LRCH4: variants seen among roughly 807,000 people sequenced by gnomAD.
LRCH4 encodes the protein leucine rich repeats and calponin homology domain containing 4.
LRCH4 carries 56 observed loss-of-function variants against 81.2 expected under a neutral mutation model. The observed-to-expected ratio is 0.69, with a 90% CI of 0.56 to 0.86. LRCH4 has a LOEUF of 0.86. Ranked by LOEUF, LRCH4 falls within the 40% of genes least tolerant of loss-of-function variation. LRCH4 has a pLI of 0.00. For synonymous variants in LRCH4, 442 were observed against 409.7 expected (o/e 1.08, Z -0.95); for missense variants, 895 against 922.8 (o/e 0.97, Z 0.39).
In LRCH4 at chr7:100,577,559, C is replaced by A. The variant is rs745884798; in HGVS notation, c.1117-1G>T. On this transcript the variant is annotated splice_acceptor_variant, in intron 9 of 17. Transcript: ENST00000310300. LOFTEE classifies it high-confidence loss of function. This position sits in a 1 kb window ranked among gnomAD's most constrained non-coding sequence, Gnocchi z 6.7. ...GGCTTAATTCGGGTGGTCGCTGCTCCTAAGGAGAGAACAGCAGAGCAGCTG... is the reference window on the plus strand; with the variant it reads ...GGCTTAATTCGGGTGGTCGCTGCTCATAAGGAGAGAACAGCAGAGCAGCTG... 4 of 1,611,192 alleles carry A rather than the reference C, an allele frequency of 2.5e-6. No homozygotes were observed. Among genetic ancestry groups the A allele is most frequent in the Non-Finnish European group, 3.4e-6 (4 of 1,179,958 alleles).
rs370008127 is a variant in LRCH4, at chr7:100,576,242, C to T, written c.1634G>A (p.Arg545His). ...GCAGCTCCCGCCTCTGCTCACCTGG[C>T]GCAGCTGAGTCATTAAGTCCTTCTC... ...PDEKDLMTQL[R>H]QVLESRLQRP... The change falls in exon 15 of 18, where the codon CGC (arginine) becomes CAC (histidine). Residue 545 changes from arginine to histidine, a missense_variant. Physicochemically the swap from Arg to His is conservative, Grantham distance 29. Coordinates refer to ENST00000310300, the MANE Select transcript of LRCH4 (RefSeq NM_002319.5). 4.6e-5 allele frequency: 74 copies of T among 1,613,742 alleles called. No individual in the cohort carries two copies. The Middle Eastern group carries it at 6.6e-4, about 14-fold the overall frequency.
In LRCH4 at chr7:100,575,494, G is replaced by C; in HGVS notation, c.1855-190C>G. On this transcript the variant is annotated intron_variant, in intron 17 of 17. Coordinates refer to ENST00000310300, the MANE Select transcript of LRCH4 (RefSeq NM_002319.5). The surrounding 1 kb of genome is among the most constrained non-coding windows in gnomAD (Gnocchi z 5.3). Reference sequence around the variant, plus strand: ...CATGTGCAGGACAGGTGACATGCAGGACAAGATGGGGCCTGCAGGGCAGGG... The same window carrying C: ...CATGTGCAGGACAGGTGACATGCAGCACAAGATGGGGCCTGCAGGGCAGGG... 1 of 826,998 alleles carries C rather than the reference G, an allele frequency of 1.2e-6. No individual in the cohort carries two copies. Among genetic ancestry groups the C allele is most frequent in the Non-Finnish European group, 2.0e-6 (1 of 489,928 alleles). 51.2% of individuals were successfully genotyped at this position (826,998 alleles called of 1,614,324 possible).
chr7:100,576,036 G>A (rs1288679921), intron 15 of LRCH4, 28 bp from the exon 16 acceptor site: 2 of 1,585,704 alleles, frequency 1.3e-6, no homozygotes, highest in African/African-American at 1.3e-5. Context: ...ATAGAGCAGG[G>A]GTCAGGGAAG....
In LRCH4 at chr7:100,578,483, A is replaced by G. The variant is rs1045292467; in HGVS notation, c.764T>C (p.Phe255Ser). The G allele has an allele frequency of 3.3e-5, 54 of 1,613,886 alleles. No homozygotes were observed. Among genetic ancestry groups the G allele is most frequent in the Admixed American group, 1.0e-4 (6 of 59,988 alleles). ...QVCLKGKLHI[F>S]KYLSTEAGQR... ...CCCGGCCTCTGTGGACAAATACTTG[A>G]AGATGTGAAGTTTCCCCTTCAGGCA... Residue 255 changes from phenylalanine to serine, a missense_variant, in exon 6 of 18, where the codon TTC becomes TCC. By Grantham distance (155) the Phe-to-Ser change is radical (BLOSUM62 -2). This residue lies in a region of LRCH4 where 360 missense variants were observed against 397.0 expected (regional missense o/e 0.91). Transcript: ENST00000310300. The surrounding 1 kb of genome is among the most constrained non-coding windows in gnomAD (Gnocchi z 5.7).
In LRCH4 at chr7:100,576,337, G is replaced by C. The variant is rs1801358456; in HGVS notation, c.1553-14C>G. 2 of 1,599,762 alleles carry C rather than the reference G, an allele frequency of 1.3e-6. No individual in the cohort carries two copies. Among genetic ancestry groups the C allele is most frequent in the Admixed American group, 3.3e-5 (2 of 59,870 alleles). On this transcript the variant is annotated splice_polypyrimidine_tract_variant and intron_variant, in intron 14 of 17. Transcript: ENST00000310300. ...GTGAGGAAGGGCCTAGGAGAAAAAG[G>C]GGGGCATGGGGCTGCCTCCACTGCT...
chr7:100,581,693 G>C, intron 4 of LRCH4, 84 bp downstream of exon 4: 1 of 1,120,692 alleles, frequency 8.9e-7, no homozygotes, highest in Non-Finnish European at 1.4e-6. Context: ...AAGCTACCCG[G>C]TCTGCAGTGT....
Position 100,576,599 on chromosome 7 carries a change from T to G in LRCH4, c.1552+95A>C, listed in dbSNP as rs1017191480. On this transcript the variant is annotated intron_variant, in intron 14 of 17. Coordinates refer to ENST00000310300, the MANE Select transcript of LRCH4 (RefSeq NM_002319.5). ...ATTTTCAACGCAAAGGTACAAAAGG[T>G]ACAACAGACCCAGAGGGCTCCCAGG... The G allele has an allele frequency of 6.4e-6, 7 of 1,085,576 alleles. No individual in the cohort carries two copies. In the African/African-American group the frequency reaches 9.8e-5, roughly 15 times the overall value. The allele number at this position is 1,085,576 out of a possible 1,614,324, so 67.2% of individuals were successfully genotyped here.
rs376646640 is a variant in LRCH4 at position 100,578,276 on chromosome 7, G to A, written c.849-18C>T. ...CTGCAGGGCTGGGGCCAGCCAGGCG[G>A]ATCTGGTCAGCCTGATGCTGGACAA... On this transcript the variant is annotated intron_variant, in intron 6 of 17. Transcript: ENST00000310300. The surrounding 1 kb of genome is among the most constrained non-coding windows in gnomAD (Gnocchi z 5.7). The A allele has an allele frequency of 2.5e-6, 4 of 1,611,502 alleles. No homozygotes were observed. The highest frequency in any genetic ancestry group is 3.4e-6 in the Non-Finnish European group (4 of 1,177,764).
At position 100,577,657 on chromosome 7, in the gene LRCH4, C is replaced by T; in HGVS notation, c.1116+7G>A. 1 of 1,613,562 alleles carries T rather than the reference C, an allele frequency of 6.2e-7. No individual in the cohort carries two copies. Among genetic ancestry groups the T allele is most frequent in the Non-Finnish European group, 8.5e-7 (1 of 1,179,988 alleles). On this transcript the variant is annotated splice_region_variant and intron_variant, in intron 9 of 17. Transcript: ENST00000310300. The surrounding 1 kb of genome is among the most constrained non-coding windows in gnomAD (Gnocchi z 6.7). ...CTCCCTTGGGAGAGGCATAGCTGGG[C>T]TCTCACCTCCACAGTGCCTCGCTCT...
At chr7:100,581,988 G>C in intron 3 of LRCH4, 53 bp downstream of exon 3, 5 of 1,600,274 alleles carry the variant, frequency 3.1e-6, no homozygotes, top group Non-Finnish European at 3.4e-6. Flanking sequence ...CCCCCTAGAA[G>C]GTCCCGCTGC....
At position 100,583,669 on chromosome 7, in the gene LRCH4, G is replaced by A. The variant is rs567284593; in HGVS notation, c.221-1210C>T. Among the ~76,000 whole-genome samples the A allele has an allele frequency of 4.6e-5, 7 of 152,224 alleles. No individual in the cohort carries two copies. Among genetic ancestry groups the A allele is most frequent in the African/African-American group, 7.2e-5 (3 of 41,456 alleles). On this transcript the variant is annotated intron_variant, in intron 1 of 17. Transcript: ENST00000310300. This position sits in a 1 kb window ranked among gnomAD's most constrained non-coding sequence, Gnocchi z 4.3. The stretch of plus-strand genomic sequence containing the variant: ...TTACCAGGGTGGATGACAGCCTGAT[G>A]CCCCGGGACCCCTTTCTCTTCCTCT...
At chr7:100,581,698 C>A in intron 4 of LRCH4, 79 bp downstream of exon 4, 1 of 1,185,082 alleles carries the variant, frequency 8.4e-7, no homozygotes, top group Non-Finnish European at 1.3e-6. Context: ...ACCCGGTCTG[C>A]AGTGTTTTCG....
rs1360804073 is a variant in LRCH4, at chr7:100,582,480, G to T, written c.221-21C>A. 3 of 1,600,764 alleles carry T rather than the reference G, an allele frequency of 1.9e-6. 1 individual carries two copies. The highest frequency in any genetic ancestry group is 2.5e-6 in the Non-Finnish European group (3 of 1,179,206). On this transcript the variant is annotated intron_variant, in intron 1 of 17. Coordinates refer to ENST00000310300, the MANE Select transcript of LRCH4 (RefSeq NM_002319.5). The surrounding 1 kb of genome is among the most constrained non-coding windows in gnomAD (Gnocchi z 5.0). ...CAGGTCTGGGGAAAAGGAGGTGTCG[G>T]GGAGAGTTGCGGAAAGGCCCAGCCC...
rs1474179083 is a variant in LRCH4, at chr7:100,575,640, C to T, written c.1854+65G>A. On this transcript the variant is annotated intron_variant, in intron 17 of 17. Coordinates refer to ENST00000310300, the MANE Select transcript of LRCH4 (RefSeq NM_002319.5). This position sits in a 1 kb window ranked among gnomAD's most constrained non-coding sequence, Gnocchi z 5.3. ...GACATCCGCTGCAAATGGAAGCCCA[C>T]CATCCATGCCACATGCTCGGCTGAG... The T allele has an allele frequency of 1.8e-5, 28 of 1,565,144 alleles. No homozygotes were observed. Among genetic ancestry groups the T allele is most frequent in the African/African-American group, 2.7e-5 (2 of 73,924 alleles).
At chr7:100,581,053 G>A (rs949045495) in intron 4 of LRCH4, among the ~76,000 whole-genome samples, 6 of 152,220 alleles carry the variant, frequency 3.9e-5, no homozygotes, top group African/African-American at 1.4e-4. Flanking sequence ...TGGCATCTCC[G>A]GGAGGAGTGG....
rs946443675 is a variant in LRCH4 at position 100,582,534 on chromosome 7, G to A, written c.221-75C>T. ...CAGGACCTTCAGTCCCCCCAGAGCC[G>A]GCTGCCCACTCCCTCACCTCCACAC... is the stretch of plus-strand genomic sequence containing the variant. On this transcript the variant is annotated intron_variant, in intron 1 of 17. Transcript: ENST00000310300. The surrounding 1 kb of genome is among the most constrained non-coding windows in gnomAD (Gnocchi z 5.0). The A allele has an allele frequency of 1.2e-4, 174 of 1,460,948 alleles. No individual in the cohort carries two copies. The highest frequency in any genetic ancestry group is 8.9e-4 in the African/African-American group (64 of 71,754). The allele number at this position is 1,460,948 out of a possible 1,614,324, so 90.5% of individuals were successfully genotyped here.
chr7:100,582,095 G>C lies in LRCH4; in HGVS notation c.438C>G (p.Asn146Lys). The C allele has an allele frequency of 6.2e-7, 1 of 1,612,282 alleles. No homozygotes were observed. The highest frequency in any genetic ancestry group is 8.5e-7 in the Non-Finnish European group (1 of 1,179,786). The change falls in exon 3 of 18, where the codon AAC becomes AAG. Residue 146 changes from asparagine to lysine, a missense_variant. By Grantham distance (94) the Asn-to-Lys change is moderately conservative. Around this residue, in one of 3 missense-constraint regions of LRCH4, gnomAD observed 360 missense variants for 397.0 expected, o/e 0.91. Transcript: ENST00000310300. The surrounding 1 kb of genome is among the most constrained non-coding windows in gnomAD (Gnocchi z 5.0). ...LPLRVLIVSN[N>K]KLGALPPDIG... The stretch of plus-strand genomic sequence containing the variant: ...TGTCAGGGGGCAGGGCTCCCAGCTT[G>C]TTGTTGCTGACGATGAGGACCCTCA...
rs755695889 is a variant in LRCH4 at position 100,578,310 on chromosome 7, C to A, written c.849-52G>T. 2.5e-6 allele frequency: 4 copies of A among 1,602,530 alleles called. No individual in the cohort carries two copies. The highest frequency in any genetic ancestry group is 3.3e-5 in the Admixed American group (2 of 59,930). ...AGCCTGATGCTGGACAACAGCCCCC[C>A]ATCCTCCTGCCAGAAAGCAGGGGGT... On this transcript the variant is annotated intron_variant, in intron 6 of 17. Coordinates refer to ENST00000310300, the MANE Select transcript of LRCH4 (RefSeq NM_002319.5). This position sits in a 1 kb window ranked among gnomAD's most constrained non-coding sequence, Gnocchi z 5.7.
rs758487270 is a variant in LRCH4 at position 100,576,292 on chromosome 7, A to C, written c.1584T>G (p.Pro528=). ...CATCTGGAACCTGGGGGTACCGCCG[A>C]GGTCTCAGGACAGAGTCTGGTGAGG... ...GPSSPDSVLR[P]RRYPQVPDEK... The change falls in exon 15 of 18, where the codon CCT becomes CCG. Residue 528 remains proline (P), a synonymous_variant. Transcript: ENST00000310300. 9.9e-6 allele frequency: 16 copies of C among 1,613,962 alleles called. No individual in the cohort carries two copies. The East Asian group carries it at 3.6e-4, about 36-fold the overall frequency.
Sources: allele counts gnomAD v4.1 joint callset (sites outside exome capture counted in the v4.1 genomes callset), GRCh38; gene constraint gnomAD v4.1.1; regional missense constraint gnomAD v4.1.1; non-coding constraint Gnocchi (gnomAD v3.1); transcripts MANE v1.5; gene names NCBI Gene and HGNC (gene_info 2026-07-23, HGNC 2026-07-21).